The following BMPER variants were observed in gnomAD, a reference collection of about 807,000 sequenced individuals.
The protein encoded by BMPER is BMP-binding endothelial regulator protein.
BMPER carries 45 observed loss-of-function variants against 87.3 expected under a neutral mutation model. The observed-to-expected ratio is 0.52, with a 90% CI of 0.41 to 0.66. The LOEUF (loss-of-function observed/expected upper bound fraction) is 0.66. BMPER is among the 30% of genes least tolerant of loss of function. BMPER has a pLI of 0.00. For synonymous variants in BMPER, 326 were observed against 316.2 expected (o/e 1.03, Z -0.33); for missense variants, 784 against 867.5 (o/e 0.90, Z 1.21).
chr7:33,971,688 A>T (rs1171472784), intron 5 of BMPER, among the ~76,000 whole-genome samples: 2 of 152,050 alleles, frequency 1.3e-5, no homozygotes, highest in African/African-American at 2.4e-5. Flanking sequence ...AAAAATCCTT[A>T]AAAAAATCAA....
intron 9 of BMPER, 52 bp from the exon 10 acceptor site, chr7:34,058,007 C>G (rs1226481752): frequency 6.5e-7 from 1 of 1,540,878 alleles, no homozygotes; most frequent in African/African-American, 1.4e-5. Context: ...TCTGTTGCCT[C>G]AACTCCTGTC....
rs1789185186 is a variant in BMPER at position 34,085,820 on chromosome 7, C to T, written c.1473C>T (p.Gly491=). The T allele has an allele frequency of 6.2e-6, 10 of 1,614,160 alleles. No individual in the cohort carries two copies. In the East Asian group the frequency reaches 2.2e-4, roughly 36 times the overall value. Residue 491 remains glycine (G), a synonymous_variant, in exon 13 of 15, where the codon GGC becomes GGT. Coordinates refer to ENST00000649409, the MANE Select transcript of BMPER (RefSeq NM_001365308.1). ...TCATGGCTGCGCCGCATCTCAAGGGCAAGCTCTGTGGTCTTTGTGGCAACT... is the reference window on the plus strand; with the variant it reads ...TCATGGCTGCGCCGCATCTCAAGGGTAAGCTCTGTGGTCTTTGTGGCAACT... ...VEVMAAPHLK[G]KLCGLCGNYN... is the part of the protein sequence containing the mutation.
At chr7:34,001,743 C>T (rs1352262501) in intron 6 of BMPER, among the ~76,000 whole-genome samples, 2 of 151,394 alleles carry the variant, frequency 1.3e-5, no homozygotes, top group Non-Finnish European at 3.0e-5. Context: ...CTATTCTTTT[C>T]CTAATTTGTT....
intron 5 of BMPER, among the ~76,000 whole-genome samples, chr7:33,972,460 G>C (rs7786787): frequency 0.021 from 3,188 of 152,184 alleles, 103 homozygotes; most frequent in African/African-American, 0.072. Context: ...CTTTTTGGTT[G>C]AGTTTCTAGG....
intron 6 of BMPER, among the ~76,000 whole-genome samples, chr7:34,031,927 T>TATATACAC (rs767536977): frequency 3.6e-5 from 2 of 55,452 alleles, no homozygotes; most frequent in African/African-American, 6.6e-5. Context: ...TATATATATA[T>TATATACAC]ACACACACAC....
At chr7:34,028,645 A>G (rs923061641) in intron 6 of BMPER, among the ~76,000 whole-genome samples, 1 of 28,272 alleles carries the variant, frequency 3.5e-5, no homozygotes, top group African/African-American at 1.3e-4. Flanking sequence ...TAGCATTACC[A>G]TTGTCCTTTG....
intron 14 of BMPER, among the ~76,000 whole-genome samples, chr7:34,150,349 A>G (rs1486591316): frequency 6.6e-6 from 1 of 151,544 alleles, no homozygotes; most frequent in Non-Finnish European, 1.5e-5. Flanking sequence ...GTCGGAAGGA[A>G]AGGGAGAGTG....
intron 13 of BMPER, among the ~76,000 whole-genome samples, chr7:34,134,390 G>C (rs1302012208): frequency 2.6e-5 from 4 of 152,104 alleles, no homozygotes; most frequent in African/African-American, 9.7e-5. Context: ...GGGGGGTCGT[G>C]ACCAAGCTTC....
At chr7:34,150,670 G>A (rs1348137942) in intron 14 of BMPER, among the ~76,000 whole-genome samples, 1 of 152,134 alleles carries the variant, frequency 6.6e-6, no homozygotes, top group African/African-American at 2.4e-5. Flanking sequence ...TATCACAGAA[G>A]CCTAAATTGA....
chr7:34,144,300 G>A (rs555776652), intron 14 of BMPER, among the ~76,000 whole-genome samples: 69 of 151,984 alleles, frequency 4.5e-4, no homozygotes, highest in African/African-American at 1.6e-3. Flanking sequence ...AGGGGCGCAA[G>A]AGGAAGGTGG....
chr7:33,923,546 T>C (rs1784285706), intron 2 of BMPER, among the ~76,000 whole-genome samples: 1 of 152,206 alleles, frequency 6.6e-6, no homozygotes, highest in Non-Finnish European at 1.5e-5. Flanking sequence ...CCAGCAGTAG[T>C]CTAGGCAGCC....
At chr7:34,122,521 G>A (rs762319595) in intron 13 of BMPER, among the ~76,000 whole-genome samples, 5 of 152,144 alleles carry the variant, frequency 3.3e-5, no homozygotes, top group Non-Finnish European at 7.4e-5. Flanking sequence ...TTGTCACCTG[G>A]ATCTAGAGTC....
At position 34,068,295 on chromosome 7, in the gene BMPER, C is replaced by G. The variant is rs190657207; in HGVS notation, c.1078+6248C>G. On this transcript the variant is annotated intron_variant, in intron 11 of 14. Transcript: ENST00000649409. ...CAGGTAGCTGGCCCGAAAGCTTGGTCTGGAATTACTTCCCTTAGCTTCCTT... is the reference window on the plus strand; with the variant it reads ...CAGGTAGCTGGCCCGAAAGCTTGGTGTGGAATTACTTCCCTTAGCTTCCTT... Among the ~76,000 whole-genome samples the G allele has an allele frequency of 7.2e-5, 11 of 152,352 alleles. No individual in the cohort carries two copies. The East Asian group carries it at 2.1e-3, about 29-fold the overall frequency.
chr7:33,937,513 GGTGT>G (rs376953621), intron 3 of BMPER, 125 bp downstream of exon 3: 927 of 731,360 alleles, frequency 1.3e-3, no homozygotes, highest in East Asian at 3.1e-3. Flanking sequence ...GGAGAAGTAG[GGTGT>G]GTGTGTGTGT....
intron 2 of BMPER, among the ~76,000 whole-genome samples, chr7:33,913,040 C>T (rs966237776): frequency 1.3e-5 from 2 of 152,060 alleles, no homozygotes; most frequent in African/African-American, 2.4e-5. Flanking sequence ...ATGGGGGAGA[C>T]GAACACATAT....
At chr7:34,070,103 G>T (rs1311869310) in intron 11 of BMPER, among the ~76,000 whole-genome samples, 1 of 152,222 alleles carries the variant, frequency 6.6e-6, no homozygotes, top group African/African-American at 2.4e-5. Context: ...TTTCAGATTT[G>T]TTTAAGCTTT....
At chr7:34,112,665 T>C (rs1175276299) in intron 13 of BMPER, among the ~76,000 whole-genome samples, 5 of 152,106 alleles carry the variant, frequency 3.3e-5, no homozygotes, top group African/African-American at 1.2e-4. Flanking sequence ...TTTTTCAGTC[T>C]GAGAATAAAT....
At chr7:34,040,056 G>A (rs1562704728) in intron 6 of BMPER, among the ~76,000 whole-genome samples, 1 of 152,078 alleles carries the variant, frequency 6.6e-6, no homozygotes, top group Non-Finnish European at 1.5e-5. Context: ...ACAATGGGAT[G>A]AGAGTAGAAT....
intron 2 of BMPER, among the ~76,000 whole-genome samples, chr7:33,917,775 A>T (rs1260535833): frequency 2.0e-5 from 3 of 152,208 alleles, no homozygotes; most frequent in South Asian, 2.1e-4. Context: ...ATTTGACCAG[A>T]TGATTTTTCA....
Sources: gnomAD v4.1 joint callset for allele counts (sites outside exome capture counted in the v4.1 genomes callset) on GRCh38, gnomAD v4.1.1 for gene constraint, MANE v1.5 for transcripts, NCBI Gene and HGNC (gene_info 2026-07-23, HGNC 2026-07-21) for gene names.